PDLIM4: variants seen among roughly 807,000 people sequenced by gnomAD.
PDLIM4 encodes the protein PDZ and LIM domain protein 4.
Under a neutral mutation model 31.3 loss-of-function variants are expected in PDLIM4, and 19 were observed. The ratio of observed to expected loss-of-function variants is 0.61; its 90% CI spans 0.42 to 0.89. The LOEUF is 0.89. Among genes scored for constraint, PDLIM4 ranks in the 40% least tolerant of loss-of-function variants. The pLI is 0.00. For synonymous variants in PDLIM4, 176 were observed against 190.1 expected, an observed-to-expected ratio of 0.93 and a Z score of 0.61; for missense variants, 442 against 461.1, an observed-to-expected ratio of 0.96 and a Z score of 0.38.
chr5:132,271,333 C>G lies in PDLIM4; in HGVS notation c.537C>G (p.Ser179Arg), dbSNP rs778944611. 4 of 1,598,554 alleles carry G rather than the reference C, an allele frequency of 2.5e-6. No homozygotes were observed. The highest frequency in any genetic ancestry group is 3.3e-5 in the Admixed American group (2 of 59,850). The stretch of plus-strand genomic sequence containing the variant: ...ACCCAGCCAGAGGCCTCCCGCGGAG[C>G]CGGGACTGCAGAGTCGACCTGGGCT... The part of the protein sequence containing the change: ...SADPARGLPR[S>R]RDCRVDLGSE... The change falls in exon 5 of 7, where the codon AGC becomes AGG. Residue 179 changes from serine to arginine, a missense_variant. Transcript: ENST00000253754.
chr5:132,260,886 C>T (rs1183812275), intron 1 of PDLIM4, among the ~76,000 whole-genome samples: 1 of 152,220 alleles, frequency 6.6e-6, no homozygotes, highest in Non-Finnish European at 1.5e-5. Flanking sequence ...TCCCAGCCAC[C>T]ACTGCTTTCA....
chr5:132,271,692 C>T (rs768540258), intron 5 of PDLIM4, 99 bp from the exon 6 acceptor site: 9 of 1,022,298 alleles, frequency 8.8e-6, no homozygotes, highest in East Asian at 7.1e-5. Flanking sequence ...TCCCCAGTCT[C>T]GGGTGCCGAT....
intron 3 of PDLIM4, among the ~76,000 whole-genome samples, chr5:132,268,940 T>C (rs1217925320): frequency 6.6e-6 from 1 of 152,132 alleles, no homozygotes; most frequent in African/African-American, 2.4e-5. Flanking sequence ...AATACAGGAC[T>C]GGGGGCCCAG....
chr5:132,270,808 C>T, intron 3 of PDLIM4, 107 bp from the exon 4 acceptor site: 2 of 980,438 alleles, frequency 2.0e-6, no homozygotes, highest in Non-Finnish European at 3.2e-6. Flanking sequence ...CAGAGGAAGC[C>T]AACTGACATC....
chr5:132,261,612 C>T (rs1756374803), intron 1 of PDLIM4: 1 of 152,236 alleles, frequency 6.6e-6, no homozygotes, highest in Non-Finnish European at 1.5e-5. Flanking sequence ...CTGGATTCCC[C>T]TGAGTTGCTT....
chr5:132,265,049 C>T (rs143121631), intron 2 of PDLIM4, among the ~76,000 whole-genome samples: 172 of 152,284 alleles, frequency 1.1e-3, no homozygotes, highest in African/African-American at 4.0e-3. Context: ...AGGTCCAGGA[C>T]CTTTCTGACA....
At chr5:132,266,274 C>T (rs973912528) in intron 2 of PDLIM4, among the ~76,000 whole-genome samples, 190 bp from the exon 3 acceptor site, 3 of 152,164 alleles carry the variant, frequency 2.0e-5, no homozygotes, top group Admixed American at 1.3e-4. Context: ...ATAGCCCTAC[C>T]CCAGGAGGAT....
chr5:132,258,066 G>A (rs1429989546), intron 1 of PDLIM4, among the ~76,000 whole-genome samples: 3 of 152,160 alleles, frequency 2.0e-5, no homozygotes, highest in Non-Finnish European at 4.4e-5. Context: ...TCACGCACCC[G>A]CCTCCCCGCT....
intron 4 of PDLIM4, 63 bp downstream of exon 4, chr5:132,271,156 C>A: frequency 1.9e-6 from 3 of 1,542,560 alleles, no homozygotes; most frequent in Non-Finnish European, 2.7e-6. Context: ...TCCCTCAAAT[C>A]TCACCCAGTC....
chr5:132,268,105 G>A (rs1183818506), intron 3 of PDLIM4, among the ~76,000 whole-genome samples: 1 of 152,180 alleles, frequency 6.6e-6, no homozygotes, highest in Non-Finnish European at 1.5e-5. Flanking sequence ...AGCTCCCCCT[G>A]CCCCCACACT....
rs1173309941 is a variant in PDLIM4, at chr5:132,266,523, T to C, written c.305T>C (p.Ile102Thr). The C allele has an allele frequency of 6.2e-7, 1 of 1,612,626 alleles. No homozygotes were observed. Among genetic ancestry groups the C allele is most frequent in the Admixed American group, 1.7e-5 (1 of 59,946 alleles). Residue 102 changes from isoleucine to threonine, a missense_variant, in exon 3 of 7, where the codon ATC becomes ACC. Physicochemically the swap from Ile to Thr is moderately conservative, Grantham distance 89. Transcript: ENST00000253754. ...GACAGCAAGGCTCAGGCACACAGGATCCACATCGATCCTGAGATCCAGGTA... is the reference window on the plus strand; with the variant it reads ...GACAGCAAGGCTCAGGCACACAGGACCCACATCGATCCTGAGATCCAGGTA... Reference protein sequence around the residue: ...PDDSKAQAHRIHIDPEIQDGS... With the variant: ...PDDSKAQAHRTHIDPEIQDGS...
At position 132,272,784 on chromosome 5, in the gene PDLIM4, A is replaced by G. The variant is rs1756660414; in HGVS notation, c.*555A>G. 6.3e-6 allele frequency: 1 copy of G among 157,968 alleles called. No homozygotes were observed. The highest frequency in any genetic ancestry group is 2.4e-5 in the African/African-American group (1 of 41,374). The allele number at this position is 157,968 out of a possible 1,614,324, so 9.8% of individuals were successfully genotyped here. A position where few individuals can be genotyped will look rare whatever the true frequency, so the allele number is the denominator to read the frequency against. ...CTGGAGAGGGTGATTGAGTGTGGAG[A>G]TCACCGGGGCCGCCGCGGGCCGTCT... On this transcript the variant is annotated 3_prime_UTR_variant, in exon 7 of 7. Transcript: ENST00000253754.
chr5:132,257,910 T>A lies in PDLIM4; in HGVS notation c.93+83T>A, dbSNP rs1343984990. On this transcript the variant is annotated intron_variant, in intron 1 of 6. Transcript: ENST00000253754. This position sits in a 1 kb window ranked among gnomAD's most constrained non-coding sequence, Gnocchi z 4.3. ...CGGTCCGCCCGGGACCCAGATCCCC[T>A]GTGTATCCGAGGCTTGAAGGCGGAG... 2.6e-6 allele frequency: 2 copies of A among 760,584 alleles called. No homozygotes were observed. Among genetic ancestry groups the A allele is most frequent in the African/African-American group, 1.8e-5 (1 of 54,502 alleles). 47.1% of individuals were successfully genotyped at this position (760,584 alleles called of 1,614,324 possible). A position where few individuals can be genotyped will look rare whatever the true frequency, so the allele number is the denominator to read the frequency against.
chr5:132,260,611 T>C (rs1159348806), intron 1 of PDLIM4, among the ~76,000 whole-genome samples: 1 of 152,216 alleles, frequency 6.6e-6, no homozygotes, highest in Non-Finnish European at 1.5e-5. Context: ...CTCTTTTCCC[T>C]TACCCCCTTT....
At position 132,262,634 on chromosome 5, in the gene PDLIM4, T is replaced by G; in HGVS notation, c.119T>G (p.Leu40Trp). Residue 40 changes from leucine (L) to tryptophan (W), a missense_variant, in exon 2 of 7, where the codon TTG (leucine) becomes TGG (tryptophan). By Grantham distance (61) the Leu-to-Trp change is moderately conservative. Transcript: ENST00000253754. ...GTCCATGCTGGCAGCAAGGCTGCAT[T>G]GGCTGCCCTGTGCCCAGGAGACCTG... ...SRVHAGSKAALAALCPGDLIQ... is the reference protein window; with the variant it reads ...SRVHAGSKAAWAALCPGDLIQ... 6.2e-7 allele frequency: 1 copy of G among 1,610,080 alleles called. No homozygotes were observed. The highest frequency in any genetic ancestry group is 8.5e-7 in the Non-Finnish European group (1 of 1,178,284).
chr5:132,261,325 C>G (rs1241895111), intron 1 of PDLIM4: 2 of 152,342 alleles, frequency 1.3e-5, no homozygotes, highest in Non-Finnish European at 2.9e-5. Flanking sequence ...TTCCTTGAGG[C>G]AGCCTACTTC....
intron 2 of PDLIM4, among the ~76,000 whole-genome samples, chr5:132,263,614 C>G (rs776115341): frequency 2.6e-5 from 4 of 152,186 alleles, no homozygotes; most frequent in Non-Finnish European, 4.4e-5. Flanking sequence ...ACTCCCCTGC[C>G]CACCTTGATC....
intron 1 of PDLIM4, among the ~76,000 whole-genome samples, chr5:132,259,370 C>A (rs544698664): frequency 6.6e-6 from 1 of 152,100 alleles, no homozygotes; most frequent in African/African-American, 2.4e-5. Context: ...GGCCTCCACA[C>A]GTCACAGCTG....
At position 132,262,823 on chromosome 5, in the gene PDLIM4, G is replaced by A. The variant is rs1185196215; in HGVS notation, c.245+63G>A. The A allele has an allele frequency of 2.7e-6, 4 of 1,507,548 alleles. No individual in the cohort carries two copies. In the African/African-American group the frequency reaches 5.5e-5, roughly 21 times the overall value. The allele number at this position is 1,507,548 out of a possible 1,614,324, so 93.4% of individuals were successfully genotyped here. On this transcript the variant is annotated intron_variant, in intron 2 of 6. Transcript: ENST00000253754. ...CGAGGTGGGCAGTTATGGGCAGCTG[G>A]CATTTTGGGTGAGCCCAGCTTCACA...
Sources: gnomAD v4.1 joint callset for allele counts (sites outside exome capture counted in the v4.1 genomes callset) on GRCh38, gnomAD v4.1.1 for gene constraint, Gnocchi (gnomAD v3.1) non-coding constraint, MANE v1.5 for transcripts, NCBI Gene and HGNC (gene_info 2026-07-23, HGNC 2026-07-21) for gene names.